Variants in UBE2V1 observed in about 807,000 individuals in gnomAD.
UBE2V1 encodes the protein ubiquitin conjugating enzyme E2 V1, also known as ubiquitin-conjugating enzyme E2 variant 1.
A neutral mutation model predicts 19.6 loss-of-function variants in UBE2V1; 15 were observed. The ratio of observed to expected loss-of-function variants is 0.77; its 90% CI spans 0.51 to 1.18. The LOEUF (loss-of-function observed/expected upper bound fraction) is 1.18, where lower values mean the gene tolerates loss of function less well. Among genes scored for constraint, UBE2V1 ranks in the 50% most tolerant of loss-of-function variants. The probability of loss-of-function intolerance (pLI) is 0.00; values close to 1 mark genes in which losing one functional copy is unlikely to be tolerated. For synonymous variants in UBE2V1, 60 were observed against 60.7 expected (o/e 0.99, Z 0.05); for missense variants, 125 against 184.8 (o/e 0.68, Z 1.88).
chr20:50,096,519 A>AAT lies in UBE2V1; in HGVS notation c.171+151_171+152dup, dbSNP rs1335649653. ...GTTAAACAGCATCAGAGGAGGTTCA[A>AAT]ATATATAAACTGAAACTGGTCAAAA... On this transcript the variant is annotated intron_variant, in intron 2 of 3. Coordinates refer to ENST00000371674, the MANE Select transcript of UBE2V1 (RefSeq NM_001032288.3). 7 of 1,552,836 alleles carry AAT rather than the reference A, an allele frequency of 4.5e-6. No individual in the cohort carries two copies. The East Asian group carries it at 1.7e-4, about 37-fold the overall frequency.
Position 50,081,779 on chromosome 20 carries a change from G to A in UBE2V1, c.*989C>T, listed in dbSNP as rs952432084. ...TCCAAGTTCAACCACCAAGGACTCC[G>A]AGAGCTGGCAGGTCTGAGTAACCCT... On this transcript the variant is annotated 3_prime_UTR_variant, in exon 4 of 4. Coordinates refer to ENST00000371674, the MANE Select transcript of UBE2V1 (RefSeq NM_001032288.3). 7 of 242,850 alleles carry A rather than the reference G, an allele frequency of 2.9e-5. No homozygotes were observed. The highest frequency in any genetic ancestry group is 4.5e-5 in the African/African-American group (2 of 44,118). 15.0% of individuals were successfully genotyped at this position (242,850 alleles called of 1,614,324 possible).
intron 1 of UBE2V1, among the ~76,000 whole-genome samples, chr20:50,103,176 TC>T (rs1483176576): frequency 6.6e-6 from 1 of 152,232 alleles, no homozygotes; most frequent in Non-Finnish European, 1.5e-5. Flanking sequence ...CTCCAATGTG[TC>T]AGGGTGTTTT....
At chr20:50,111,444 G>C in intron 1 of UBE2V1, 5 of 1,000,296 alleles carry the variant, frequency 5.0e-6, no homozygotes, top group Non-Finnish European at 6.0e-6. Flanking sequence ...ATTACGACCC[G>C]GTAGGAGTGT....
chr20:50,110,051 G>A (rs538876624), intron 1 of UBE2V1, among the ~76,000 whole-genome samples: 1 of 152,336 alleles, frequency 6.6e-6, no homozygotes, highest in South Asian at 2.1e-4. Context: ...GTTTTTATAA[G>A]CTGAATGTGC....
intron 2 of UBE2V1, among the ~76,000 whole-genome samples, chr20:50,093,354 A>C (rs975611920): frequency 6.6e-6 from 1 of 152,250 alleles, no homozygotes; most frequent in Admixed American, 6.5e-5. Context: ...CAAGTGCTCT[A>C]TTTAGATGCT....
chr20:50,095,458 A>G (rs190809897), intron 2 of UBE2V1: 10 of 152,368 alleles, frequency 6.6e-5, no homozygotes. Context: ...AAACTCCACA[A>G]AACTATAGGG....
chr20:50,087,158 G>A (rs906885325), intron 2 of UBE2V1, among the ~76,000 whole-genome samples: 8 of 152,130 alleles, frequency 5.3e-5, no homozygotes, highest in Admixed American at 5.2e-4. Flanking sequence ...CATCTGGGGG[G>A]GCCGAGGTGG....
rs1329923556 is a variant in UBE2V1 at position 50,096,580 on chromosome 20, G to A, written c.171+92C>T. ...ACATTTCAGAAAATATACCATTGGT[G>A]AGCTTTTTTTCCGTGATAAGGCTAA... On this transcript the variant is annotated intron_variant, in intron 2 of 3. Transcript: ENST00000371674. The A allele has an allele frequency of 4.4e-6, 7 of 1,606,250 alleles. No individual in the cohort carries two copies. In the East Asian group the frequency reaches 1.6e-4, roughly 36 times the overall value.
chr20:50,107,637 T>C (rs2080475578), intron 1 of UBE2V1, among the ~76,000 whole-genome samples: 2 of 152,226 alleles, frequency 1.3e-5, no homozygotes, highest in South Asian at 2.1e-4. Context: ...TTCTGCCCTA[T>C]CGGATACATT....
At chr20:50,113,202 G>GGCGC (rs1180970163), upstream of UBE2V1, 2 of 1,199,850 alleles carry the variant, frequency 1.7e-6, no homozygotes, top group Non-Finnish European at 2.1e-6. Context: ...CTGATGCGCA[G>GGCGC]GCGCGCGCGC....
upstream of UBE2V1, among the ~76,000 whole-genome samples, chr20:50,113,799 A>ATTCATTCG (rs761764237): frequency 0.27 from 34,114 of 124,998 alleles, 4,016 homozygotes; most frequent in African/African-American, 0.38. Context: ...TCATTCGTTC[A>ATTCATTCG]TTCATTCATT....
chr20:50,103,112 C>T (rs2080111827), intron 1 of UBE2V1, among the ~76,000 whole-genome samples: 1 of 152,224 alleles, frequency 6.6e-6, no homozygotes, highest in Non-Finnish European at 1.5e-5. Flanking sequence ...TGTCTCCCAT[C>T]TGAACATAAG....
intron 1 of UBE2V1, among the ~76,000 whole-genome samples, chr20:50,101,571 CAAAAAAAAAAAAA>C (rs11481618): frequency 1.4e-5 from 1 of 71,192 alleles, no homozygotes; most frequent in African/African-American, 4.9e-5. Context: ...CATTTATAAG[CAAAAAAAAAAAAA>C]AAAAAAAAAA....
chr20:50,103,367 AG>A (rs1482359028), intron 1 of UBE2V1, among the ~76,000 whole-genome samples: 1 of 152,222 alleles, frequency 6.6e-6, no homozygotes, highest in Non-Finnish European at 1.5e-5. Context: ...TAACATTATA[AG>A]GATTATTAAA....
chr20:50,086,038 A>C (rs184673380), intron 2 of UBE2V1, among the ~76,000 whole-genome samples: 110 of 152,304 alleles, frequency 7.2e-4, no homozygotes, highest in Non-Finnish European at 1.3e-3. Flanking sequence ...CTCCCGGCAC[A>C]GCAGCCAGAC....
chr20:50,103,054 T>G (rs1471679863), intron 1 of UBE2V1, among the ~76,000 whole-genome samples: 2 of 152,244 alleles, frequency 1.3e-5, no homozygotes, highest in Admixed American at 1.3e-4. Flanking sequence ...TCATTGCCAC[T>G]CGACATTGTA....
chr20:50,111,982 T>A (rs1238114668), intron 1 of UBE2V1, among the ~76,000 whole-genome samples: 1 of 152,098 alleles, frequency 6.6e-6, no homozygotes, highest in African/African-American at 2.4e-5. Flanking sequence ...CACCTGAGGG[T>A]GCAGCCTCAC....
intron 2 of UBE2V1, among the ~76,000 whole-genome samples, chr20:50,087,135 C>G (rs1054667341): frequency 6.6e-6 from 1 of 151,686 alleles, no homozygotes; most frequent in Non-Finnish European, 1.5e-5. Context: ...GTGGATGACG[C>G]CTGTAATCTC....
intron 1 of UBE2V1, among the ~76,000 whole-genome samples, chr20:50,097,060 TAGAAA>T (rs2079671284): frequency 2.0e-5 from 3 of 152,120 alleles, no homozygotes; most frequent in Non-Finnish European, 4.4e-5. Context: ...TAACCAAACT[TAGAAA>T]GATACCCCAC....
Sources: gnomAD v4.1 joint callset for allele counts (sites outside exome capture counted in the v4.1 genomes callset) on GRCh38, gnomAD v4.1.1 for gene constraint, MANE v1.5 for transcripts, NCBI Gene and HGNC (gene_info 2026-07-23, HGNC 2026-07-21) for gene names.